The following GRM8 variants were observed in gnomAD, a reference collection of about 807,000 sequenced individuals.
GRM8 encodes glutamate metabotropic receptor 8, also known as metabotropic glutamate receptor 8.
A neutral mutation model predicts 87.2 loss-of-function variants in GRM8; 47 were observed. That is an observed-to-expected ratio of 0.54 (90% CI 0.43 to 0.69). The LOEUF is 0.69. GRM8 is among the 30% of genes least tolerant of loss of function. The pLI, the probability that GRM8 is intolerant of heterozygous loss-of-function variation, is 0.00. For missense variants in GRM8, 1,019 were observed against 1,139.2 expected (o/e 0.89, Z 1.52); for synonymous variants, 396 against 404.5 (o/e 0.98, Z 0.25).
chr7:126,655,865 G>A (rs7792723), intron 7 of GRM8, among the ~76,000 whole-genome samples: 73,917 of 151,974 alleles, frequency 0.49, 18,805 homozygotes, highest in South Asian at 0.64. Flanking sequence ...ACAAGGGAAA[G>A]ATATAGCATT....
At chr7:127,212,579 G>A (rs1259809390) in intron 2 of GRM8, among the ~76,000 whole-genome samples, 2 of 151,782 alleles carry the variant, frequency 1.3e-5, no homozygotes, top group Non-Finnish European at 2.9e-5. Flanking sequence ...CACTACGTCC[G>A]GCTAATTTTT....
chr7:126,465,007 T>G (rs541619676), intron 9 of GRM8, among the ~76,000 whole-genome samples: 3 of 151,704 alleles, frequency 2.0e-5, no homozygotes, highest in African/African-American at 7.2e-5. Context: ...ACTTTCAGAT[T>G]ATTTTTTCCT....
At chr7:126,497,786 T>TA (rs1808990999) in intron 9 of GRM8, among the ~76,000 whole-genome samples, 1 of 152,020 alleles carries the variant, frequency 6.6e-6, no homozygotes. Context: ...TCTTAAATGA[T>TA]AGGCAGTAGT....
At chr7:126,487,161 A>C (rs1407319673) in intron 9 of GRM8, among the ~76,000 whole-genome samples, 1 of 152,008 alleles carries the variant, frequency 6.6e-6, no homozygotes, top group Non-Finnish European at 1.5e-5. Flanking sequence ...ATTTTTGCAA[A>C]TATCTTTAGT....
At chr7:126,603,631 T>G (rs145509277) in intron 8 of GRM8, among the ~76,000 whole-genome samples, 1 of 152,036 alleles carries the variant, frequency 6.6e-6, no homozygotes, top group African/African-American at 2.4e-5. Flanking sequence ...TAACAGAATA[T>G]AGAGAAAGGG....
intron 3 of GRM8, among the ~76,000 whole-genome samples, chr7:126,924,619 C>T (rs1804894732): frequency 6.6e-6 from 1 of 151,920 alleles, no homozygotes; most frequent in Admixed American, 6.6e-5. Context: ...TTTTTCCCTC[C>T]TTCCTTCTTT....
intron 7 of GRM8, among the ~76,000 whole-genome samples, chr7:126,688,298 T>G (rs1443417286): frequency 6.6e-6 from 1 of 152,168 alleles, no homozygotes; most frequent in Non-Finnish European, 1.5e-5. Flanking sequence ...TGCATTCATA[T>G]TTTTCAGGAA....
intron 9 of GRM8, among the ~76,000 whole-genome samples, chr7:126,522,969 G>T (rs1262134739): frequency 6.6e-6 from 1 of 152,166 alleles, no homozygotes; most frequent in Non-Finnish European, 1.5e-5. Context: ...TTTGCATAAA[G>T]CAAACATTTA....
chr7:127,094,414 G>T (rs1007017272), intron 3 of GRM8, among the ~76,000 whole-genome samples: 6 of 152,178 alleles, frequency 3.9e-5, no homozygotes, highest in African/African-American at 7.2e-5. Flanking sequence ...TTCACCCAAA[G>T]AACCAGAACA....
intron 6 of GRM8, among the ~76,000 whole-genome samples, chr7:126,851,353 C>CT (rs1797190726): frequency 6.6e-6 from 1 of 152,116 alleles, no homozygotes; most frequent in Non-Finnish European, 1.5e-5. Context: ...TCTACCTTTT[C>CT]TCCACTTAAG....
rs1221878587 is a variant in GRM8, at chr7:127,193,581, C to T, written c.510+49114G>A. ...AAGACTCCCATGGCATTTCAAGAGG[C>T]TTTGAGTCTTTCTGAGGCTTAAAGA... On this transcript the variant is annotated intron_variant, in intron 2 of 10. Transcript: ENST00000339582. 3.3e-5 allele frequency among the ~76,000 whole-genome samples: 5 copies of T among 152,300 alleles called. No individual in the cohort carries two copies. The East Asian group carries it at 7.7e-4, about 23-fold the overall frequency.
chr7:126,622,639 T>C lies in GRM8; in HGVS notation c.1358-13141A>G, dbSNP rs556159105. Among the ~76,000 whole-genome samples, 18 of 152,304 alleles carry C rather than the reference T, an allele frequency of 1.2e-4. No individual in the cohort carries two copies. In the East Asian group the frequency reaches 3.3e-3, roughly 28 times the overall value. On this transcript the variant is annotated intron_variant, in intron 7 of 10. Transcript: ENST00000339582. ...CTTCCATGCACTTTCAGTTCAGTTA[T>C]CTTTTCTTTCTTTTACATAAACAAA...
At chr7:126,733,774 C>G (rs1159388925) in intron 7 of GRM8, among the ~76,000 whole-genome samples, 1 of 152,002 alleles carries the variant, frequency 6.6e-6, no homozygotes, top group Middle Eastern at 3.4e-3. Flanking sequence ...GGATGGTCAA[C>G]AGTGACATCA....
chr7:126,485,500 G>A (rs1003408082), intron 9 of GRM8, among the ~76,000 whole-genome samples: 2 of 152,002 alleles, frequency 1.3e-5, no homozygotes, highest in African/African-American at 4.8e-5. Context: ...GATGAGTGGT[G>A]TCTGGGGATG....
At chr7:126,930,876 CTCTT>C (rs1391908757) in intron 3 of GRM8, among the ~76,000 whole-genome samples, 3 of 152,176 alleles carry the variant, frequency 2.0e-5, no homozygotes, top group Non-Finnish European at 2.9e-5. Flanking sequence ...CCTGAACTCT[CTCTT>C]TGTCTGCTTT....
intron 9 of GRM8, among the ~76,000 whole-genome samples, chr7:126,497,813 A>T (rs1022467293): frequency 2.6e-5 from 4 of 152,070 alleles, no homozygotes; most frequent in Non-Finnish European, 4.4e-5. Flanking sequence ...TGATGCTGAG[A>T]GTGCCCTATT....
At position 127,172,251 on chromosome 7, in the gene GRM8, T is replaced by TTG. The variant is rs1258460256; in HGVS notation, c.511-65540_511-65539insCA. 2.2e-4 allele frequency among the ~76,000 whole-genome samples: 34 copies of TTG among 152,286 alleles called. No individual in the cohort carries two copies. In the East Asian group the frequency reaches 6.0e-3, roughly 27 times the overall value. The stretch of plus-strand genomic sequence containing the variant: ...AATAAACTTTAATATTATTTATTAC[T>TTG]GTCATAAACCAATAATTGGTTCTTT... On this transcript the variant is annotated intron_variant, in intron 2 of 10. Transcript: ENST00000339582.
At chr7:126,705,510 C>T (rs1585599223) in intron 7 of GRM8, among the ~76,000 whole-genome samples, 1 of 152,070 alleles carries the variant, frequency 6.6e-6, no homozygotes, top group East Asian at 1.9e-4. Flanking sequence ...ATACATAGAT[C>T]TATGTGTGGA....
intron 6 of GRM8, among the ~76,000 whole-genome samples, chr7:126,893,153 TA>T (rs1801224459): frequency 6.6e-6 from 1 of 152,100 alleles, no homozygotes; most frequent in African/African-American, 2.4e-5. Context: ...AGTATAAATG[TA>T]ATTTTATTTT....
Sources: gnomAD v4.1 joint callset for allele counts (sites outside exome capture counted in the v4.1 genomes callset) on GRCh38, gnomAD v4.1.1 for gene constraint, MANE v1.5 for transcripts, NCBI Gene and HGNC (gene_info 2026-07-23, HGNC 2026-07-21) for gene names.